The following LAPTM4B variants were observed in gnomAD, a reference collection of about 807,000 sequenced individuals.
LAPTM4B encodes lysosomal-associated transmembrane protein 4B.
LAPTM4B carries 26 observed loss-of-function variants against 28.5 expected under a neutral mutation model. That is an observed-to-expected ratio of 0.91 (90% CI 0.67 to 1.27). LAPTM4B has a LOEUF of 1.27. Among genes scored for constraint, LAPTM4B ranks in the 50% most tolerant of loss-of-function variants. The pLI, the probability that LAPTM4B is intolerant of heterozygous loss-of-function variation, is 0.00. For synonymous variants in LAPTM4B, 109 were observed against 106.4 expected (o/e 1.02, Z -0.15); for missense variants, 288 against 285.8 (o/e 1.01, Z -0.06).
chr8:97,794,094 C>T (rs933969703), intron 1 of LAPTM4B, among the ~76,000 whole-genome samples: 1 of 152,122 alleles, frequency 6.6e-6, no homozygotes, highest in Non-Finnish European at 1.5e-5. Context: ...GTTCTCCTGC[C>T]TCAGCCTCCC....
intron 1 of LAPTM4B, among the ~76,000 whole-genome samples, chr8:97,797,713 A>G (rs1343516563): frequency 2.0e-5 from 3 of 152,154 alleles, no homozygotes; most frequent in Non-Finnish European, 2.9e-5. Flanking sequence ...GAGGCTTTTA[A>G]AAAGGAGAGC....
intron 1 of LAPTM4B, among the ~76,000 whole-genome samples, chr8:97,795,727 C>T (rs1816569831): frequency 1.3e-5 from 2 of 151,588 alleles, no homozygotes; most frequent in Admixed American, 1.3e-4. Flanking sequence ...GTGGCACTTG[C>T]CTGTAGTCCC....
chr8:97,842,962 T>A (rs761140449), intron 6 of LAPTM4B, among the ~76,000 whole-genome samples: 3 of 151,822 alleles, frequency 2.0e-5, no homozygotes, highest in Non-Finnish European at 2.9e-5. Context: ...TACTGCAACC[T>A]CCACCTCCTG....
At chr8:97,790,809 G>C (rs1310362371) in intron 1 of LAPTM4B, among the ~76,000 whole-genome samples, 1 of 152,086 alleles carries the variant, frequency 6.6e-6, no homozygotes. Flanking sequence ...GCACAGTCTT[G>C]GCTCACCGCA....
At chr8:97,827,443 C>T (rs1224134303) in intron 6 of LAPTM4B, among the ~76,000 whole-genome samples, 16 of 152,176 alleles carry the variant, frequency 1.1e-4, no homozygotes, top group Admixed American at 1.0e-3. Context: ...TTCCTTCCCC[C>T]ATATCTATGA....
rs962365298 is a variant in LAPTM4B at position 97,839,319 on chromosome 8, G to A, written c.604-12078G>A. ...AGCGATTCTCCTGCCTCAGCCTCCC[G>A]AGTAGCTGGGATTACAGGCATGTGT... On this transcript the variant is annotated intron_variant, in intron 6 of 6. Coordinates refer to ENST00000521545, the MANE Select transcript of LAPTM4B (RefSeq NM_018407.6). Among the ~76,000 whole-genome samples the A allele has an allele frequency of 3.9e-5, 6 of 152,032 alleles. No homozygotes were observed. In the East Asian group the frequency reaches 5.8e-4, roughly 15 times the overall value.
At chr8:97,787,393 C>T (rs1816420824) in intron 1 of LAPTM4B, among the ~76,000 whole-genome samples, 1 of 150,950 alleles carries the variant, frequency 6.6e-6, no homozygotes, top group Non-Finnish European at 1.5e-5. Context: ...TCACGCCATT[C>T]TCCTGCCTCA....
intron 1 of LAPTM4B, 21 bp from the exon 2 acceptor site, chr8:97,805,324 CTTTTTTTT>C: frequency 2.4e-6 from 2 of 840,930 alleles, no homozygotes; most frequent in Non-Finnish European, 3.6e-6. Context: ...TACTTAAATT[CTTTTTTTT>C]TTTTTTTTTT....
chr8:97,823,303 A>G (rs2129809392), intron 5 of LAPTM4B, among the ~76,000 whole-genome samples: 1 of 146,976 alleles, frequency 6.8e-6, no homozygotes, highest in African/African-American at 2.5e-5. Context: ...GAGAATGCCT[A>G]TTCTGGGCAT....
Position 97,775,821 on chromosome 8 carries a change from A to C in LAPTM4B, c.-189A>C. The C allele has an allele frequency of 6.4e-7, 1 of 1,560,336 alleles. No individual in the cohort carries two copies. The highest frequency in any genetic ancestry group is 1.4e-5 in the African/African-American group (1 of 73,970). Reference sequence around the variant, plus strand: ...CGCTGCAGCGGTCGCCTTCGGAGCGAAGGGTACCGACCCGGCAGAAGCTCG... The same window carrying C: ...CGCTGCAGCGGTCGCCTTCGGAGCGCAGGGTACCGACCCGGCAGAAGCTCG... On this transcript the variant is annotated 5_prime_UTR_variant, in exon 1 of 7. Transcript: ENST00000521545.
At chr8:97,842,049 A>G (rs1197941597) in intron 6 of LAPTM4B, among the ~76,000 whole-genome samples, 1 of 152,142 alleles carries the variant, frequency 6.6e-6, no homozygotes, top group African/African-American at 2.4e-5. Flanking sequence ...GCAAAGGCAA[A>G]CTTATATTTC....
chr8:97,851,197 C>T (rs909069199), intron 6 of LAPTM4B, among the ~76,000 whole-genome samples, 200 bp from the exon 7 acceptor site: 2 of 152,208 alleles, frequency 1.3e-5, no homozygotes, highest in Non-Finnish European at 2.9e-5. Context: ...TAGAAAAACT[C>T]AAGGCTTGAG....
At chr8:97,820,495 T>C (rs530929350) in intron 5 of LAPTM4B, among the ~76,000 whole-genome samples, 5 of 152,080 alleles carry the variant, frequency 3.3e-5, no homozygotes, top group Non-Finnish European at 7.4e-5. Flanking sequence ...CATGCCTCAG[T>C]AAACTTGGGA....
intron 6 of LAPTM4B, among the ~76,000 whole-genome samples, chr8:97,841,473 G>T (rs949775556): frequency 1.3e-5 from 2 of 152,210 alleles, no homozygotes; most frequent in Middle Eastern, 3.4e-3. Context: ...GATTACAGGC[G>T]CCTGCCATCA....
intron 6 of LAPTM4B, among the ~76,000 whole-genome samples, chr8:97,833,341 G>A (rs555088866): frequency 6.6e-6 from 1 of 152,144 alleles, no homozygotes; most frequent in African/African-American, 2.4e-5. Flanking sequence ...AAATAGCAGC[G>A]AAACTCCATC....
chr8:97,819,041 A>G (rs1484299764), intron 4 of LAPTM4B, 99 bp from the exon 5 acceptor site: 1 of 742,516 alleles, frequency 1.3e-6, no homozygotes, highest in African/African-American at 1.8e-5. Flanking sequence ...TGTCTGCTTT[A>G]ATCAGTTGCT....
chr8:97,815,508 C>G, intron 3 of LAPTM4B, 107 bp downstream of exon 3: 1 of 803,208 alleles, frequency 1.2e-6, no homozygotes, highest in Non-Finnish European at 2.1e-6. Context: ...TGTTAAGAAT[C>G]TCTGTTTAAA....
Position 97,816,066 on chromosome 8 carries a change from AGCC to A in LAPTM4B, c.295_297del (p.Ala99del). The A allele has an allele frequency of 6.2e-7, 1 of 1,611,128 alleles. No individual in the cohort carries two copies. Among genetic ancestry groups the A allele is most frequent in the South Asian group, 1.1e-5 (1 of 90,214 alleles). ...TTTTCTGTTCTGTTTAGCAACGCGC[AGCC>A]TGGATCATCCCATTCTTCTGTTACC... On this transcript the variant is annotated inframe_deletion, in exon 4 of 7. Transcript: ENST00000521545.
chr8:97,812,053 A>C (rs564797594), intron 2 of LAPTM4B, among the ~76,000 whole-genome samples: 2 of 151,898 alleles, frequency 1.3e-5, no homozygotes, highest in South Asian at 2.1e-4. Context: ...CGATCCATCC[A>C]CCTTGGCCTC....
Sources: allele counts gnomAD v4.1 joint callset (sites outside exome capture counted in the v4.1 genomes callset), GRCh38; gene constraint gnomAD v4.1.1; transcripts MANE v1.5; gene names NCBI Gene and HGNC (gene_info 2026-07-23, HGNC 2026-07-21).